Variants in SLC16A7 observed in about 807,000 individuals in gnomAD.
SLC16A7 encodes the protein monocarboxylate transporter 2.
SLC16A7 carries 33 observed loss-of-function variants against 34.9 expected under a neutral mutation model. The ratio of observed to expected loss-of-function variants is 0.94; its 90% CI spans 0.72 to 1.26. SLC16A7 has a LOEUF of 1.26. Ranked by LOEUF, SLC16A7 falls within the 50% of genes most tolerant of loss-of-function variation. SLC16A7 has a pLI of 0.00. For missense variants in SLC16A7, 573 were observed against 578.1 expected, an observed-to-expected ratio of 0.99 and a Z score of 0.09; for synonymous variants, 201 against 206.6, an observed-to-expected ratio of 0.97 and a Z score of 0.23.
intron 1 of SLC16A7, among the ~76,000 whole-genome samples, chr12:59,642,558 G>A (rs1880733003): frequency 6.6e-6 from 1 of 152,056 alleles, no homozygotes; most frequent in Admixed American, 6.6e-5. Context: ...CATTGCATTA[G>A]TGGATGAATA....
intron 1 of SLC16A7, among the ~76,000 whole-genome samples, chr12:59,610,565 A>T (rs1353725089): frequency 6.6e-6 from 1 of 152,212 alleles, no homozygotes; most frequent in Non-Finnish European, 1.5e-5. Context: ...ACTCAAAAAA[A>T]ACCTTAATAA....
At chr12:59,702,485 G>A (rs1016830544) in intron 2 of SLC16A7, among the ~76,000 whole-genome samples, 5 of 152,066 alleles carry the variant, frequency 3.3e-5, no homozygotes, top group African/African-American at 1.2e-4. Flanking sequence ...TGGTATTTGG[G>A]GTTGATTTTA....
chr12:59,735,589 CT>C (rs1877497275), intron 3 of SLC16A7, among the ~76,000 whole-genome samples: 1 of 152,076 alleles, frequency 6.6e-6, no homozygotes, highest in Admixed American at 6.5e-5. Context: ...AAACCCAGTC[CT>C]AAAGTGGAAT....
chr12:59,733,655 T>C (rs1489828946), intron 3 of SLC16A7: 2 of 453,732 alleles, frequency 4.4e-6, no homozygotes, highest in Admixed American at 2.4e-5. Context: ...CACCTGAACA[T>C]GGCAATCCCG....
chr12:59,698,647 T>C lies in SLC16A7; in HGVS notation c.-30-6125T>C, dbSNP rs1238442387. Reference sequence around the variant, plus strand: ...AAGGAATATAAGTTCCGTTGTTCACTGAATATCTTCTGTTGATATTTTCTG... The same window carrying C: ...AAGGAATATAAGTTCCGTTGTTCACCGAATATCTTCTGTTGATATTTTCTG... On this transcript the variant is annotated intron_variant, in intron 2 of 5. Transcript: ENST00000547379. Among the ~76,000 whole-genome samples the C allele has an allele frequency of 4.6e-5, 7 of 151,924 alleles. No individual in the cohort carries two copies. The East Asian group carries it at 1.4e-3, about 29-fold the overall frequency.
intron 2 of SLC16A7, among the ~76,000 whole-genome samples, chr12:59,671,698 G>A (rs1869714309): frequency 6.8e-6 from 1 of 146,878 alleles, no homozygotes; most frequent in African/African-American, 2.5e-5. Flanking sequence ...ATATGTGTGT[G>A]TGTGTATATA....
chr12:59,680,700 G>GT (rs200422807), intron 2 of SLC16A7, among the ~76,000 whole-genome samples: 105 of 147,612 alleles, frequency 7.1e-4, no homozygotes, highest in South Asian at 1.3e-3. Flanking sequence ...ATGTATTCAT[G>GT]TTTTTTTTTT....
intron 1 of SLC16A7, among the ~76,000 whole-genome samples, chr12:59,630,164 G>A (rs1462941312): frequency 6.6e-6 from 1 of 151,790 alleles, no homozygotes; most frequent in East Asian, 1.9e-4. Context: ...ATGGCTCTCT[G>A]TTGTGGTCAC....
At chr12:59,600,304 T>G (rs1441235957) in intron 1 of SLC16A7, among the ~76,000 whole-genome samples, 1 of 152,228 alleles carries the variant, frequency 6.6e-6, no homozygotes, top group Non-Finnish European at 1.5e-5. Context: ...TGCCATTAGA[T>G]GGCACAACAA....
intron 1 of SLC16A7, among the ~76,000 whole-genome samples, chr12:59,611,624 C>CA (rs1879197253): frequency 6.6e-6 from 1 of 152,118 alleles, no homozygotes; most frequent in African/African-American, 2.4e-5. Flanking sequence ...CTCAAAAGTC[C>CA]AAGTCCAAAG....
At chr12:59,642,526 T>C (rs901210573) in intron 1 of SLC16A7, among the ~76,000 whole-genome samples, 4 of 152,094 alleles carry the variant, frequency 2.6e-5, no homozygotes, top group Admixed American at 2.0e-4. Flanking sequence ...ACCTGTCTTA[T>C]AGATGGTGCA....
intron 2 of SLC16A7, among the ~76,000 whole-genome samples, chr12:59,677,806 T>G (rs1252555071): frequency 6.6e-6 from 1 of 152,234 alleles, no homozygotes; most frequent in Admixed American, 6.5e-5. Context: ...TCTACCCTCA[T>G]TTATGTCCAA....
chr12:59,725,265 A>G (rs1483881503), intron 3 of SLC16A7, among the ~76,000 whole-genome samples: 1 of 152,112 alleles, frequency 6.6e-6, no homozygotes, highest in Non-Finnish European at 1.5e-5. Flanking sequence ...ACTTTGAATC[A>G]CTATTGTATG....
chr12:59,690,544 G>T (rs74094008), intron 2 of SLC16A7, among the ~76,000 whole-genome samples: 1 of 152,074 alleles, frequency 6.6e-6, no homozygotes, highest in African/African-American at 2.4e-5. Context: ...TGTAGGAAGG[G>T]CCAGTTATGT....
In SLC16A7 at chr12:59,604,869, C is replaced by T. The variant is rs573747339; in HGVS notation, c.-130+8633C>T. Among the ~76,000 whole-genome samples the T allele has an allele frequency of 1.1e-4, 17 of 152,164 alleles. No individual in the cohort carries two copies. The South Asian group carries it at 1.5e-3, about 13-fold the overall frequency. On this transcript the variant is annotated intron_variant, in intron 1 of 5. Coordinates refer to ENST00000547379, the MANE Select transcript of SLC16A7 (RefSeq NM_001270623.2). Reference sequence around the variant, plus strand: ...ATTTTATTTTTTTTCTTTTTTGAGACGGAGTCTCACTCTGTCACCCAGGCT... The same window carrying T: ...ATTTTATTTTTTTTCTTTTTTGAGATGGAGTCTCACTCTGTCACCCAGGCT...
At chr12:59,771,477 A>T in intron 4 of SLC16A7, 115 bp downstream of exon 4, 1 of 724,618 alleles carries the variant, frequency 1.4e-6, no homozygotes, top group Non-Finnish European at 2.1e-6. Context: ...TTTATAAACA[A>T]TGCAGTTTTA....
rs1883426106 is a variant in SLC16A7 at position 59,783,826 on chromosome 12, G to C, written c.*4147G>C. On this transcript the variant is annotated 3_prime_UTR_variant, in exon 6 of 6. Coordinates refer to ENST00000547379, the MANE Select transcript of SLC16A7 (RefSeq NM_001270623.2). ...GCCACCATGCCCGGCTAATTTTGTG[G>C]CTTTTTTTGTTTTGTTTTGTTTTGT... is the stretch of plus-strand genomic sequence containing the variant. 6.6e-6 allele frequency: 1 copy of C among 151,976 alleles called. No homozygotes were observed. Among genetic ancestry groups the C allele is most frequent in the South Asian group, 2.1e-4 (1 of 4,792 alleles). The allele number at this position is 151,976 out of a possible 1,614,324, so 9.4% of individuals were successfully genotyped here.
At chr12:59,713,073 G>A (rs1407155741) in intron 3 of SLC16A7, among the ~76,000 whole-genome samples, 1 of 151,680 alleles carries the variant, frequency 6.6e-6, no homozygotes, top group Non-Finnish European at 1.5e-5. Context: ...AGGTTGGAGT[G>A]CACTGGCACA....
At chr12:59,678,568 G>A (rs115119212) in intron 2 of SLC16A7, among the ~76,000 whole-genome samples, 10,837 of 152,178 alleles carry the variant, frequency 0.071, 434 homozygotes, top group Middle Eastern at 0.17. Context: ...TTGTCCCATC[G>A]TCTCTTTGAG....
Sources: gnomAD v4.1 joint callset for allele counts (sites outside exome capture counted in the v4.1 genomes callset) on GRCh38, gnomAD v4.1.1 for gene constraint, MANE v1.5 for transcripts, NCBI Gene and HGNC (gene_info 2026-07-23, HGNC 2026-07-21) for gene names.